Variants in ZNF432 observed in about 807,000 individuals in gnomAD.
The protein encoded by ZNF432 is zinc finger protein 432.
In ZNF432, 10 loss-of-function variants were observed where a neutral mutation model predicts 13.9. That is an observed-to-expected ratio of 0.72 (90% CI 0.44 to 1.22). The LOEUF (loss-of-function observed/expected upper bound fraction) is 1.22. Ranked by LOEUF, ZNF432 falls within the 50% of genes most tolerant of loss-of-function variation. The probability of loss-of-function intolerance (pLI) is 0.00; values close to 1 mark genes in which losing one functional copy is unlikely to be tolerated. For missense variants in ZNF432, 793 were observed against 796.2 expected (o/e 1.00, Z 0.05); for synonymous variants, 247 against 256.2 (o/e 0.96, Z 0.34).
chr19:52,035,172 G>A lies in ZNF432; in HGVS notation c.507C>T (p.Asn169=). ...TAGCTGCAGAATAAAGTTCTTCATA[G>A]TTACCATGAAGAAATGATTTCCCAT... The part of the protein sequence containing the change: ...SGDGKSFLHG[N]YEELYSAAKF... The change falls in exon 5 of 5, where the codon AAC becomes AAT. Residue 169 remains asparagine, a synonymous_variant. Transcript: ENST00000221315. 3 of 1,613,730 alleles carry A rather than the reference G, an allele frequency of 1.9e-6. No individual in the cohort carries two copies. Among genetic ancestry groups the A allele is most frequent in the South Asian group, 1.1e-5 (1 of 90,892 alleles).
rs1471156777 is a variant in ZNF432 at position 52,032,347 on chromosome 19, A to G, written c.*1373T>C. 6.6e-6 allele frequency: 1 copy of G among 152,108 alleles called. No individual in the cohort carries two copies. The highest frequency in any genetic ancestry group is 2.4e-5 in the African/African-American group (1 of 41,418). The allele number at this position is 152,108 out of a possible 1,614,324, so 9.4% of individuals were successfully genotyped here. On this transcript the variant is annotated 3_prime_UTR_variant, in exon 5 of 5. Transcript: ENST00000221315. ...GAACAGCCCGCTTTACAATTATGGA[A>G]TCATTGATAATATGATGCAAGGTAT...
At position 52,040,620 on chromosome 19, in the gene ZNF432, A is replaced by G. The variant is rs746367789; in HGVS notation, c.143-37T>C. 4.5e-6 allele frequency: 7 copies of G among 1,560,618 alleles called. No individual in the cohort carries two copies. The African/African-American group carries it at 9.5e-5, about 21-fold the overall frequency. ...AAATAATAGAAGACAGACACACTGG[A>G]TTGGGCTGGGGTATGTAATGTGAGA... On this transcript the variant is annotated intron_variant, in intron 3 of 4. Transcript: ENST00000221315.
rs145732054 is a variant in ZNF432 at position 52,034,249 on chromosome 19, C to T, written c.1430G>A (p.Arg477Gln). 369 of 1,613,958 alleles carry T rather than the reference C, an allele frequency of 2.3e-4. No individual in the cohort carries two copies. The highest frequency in any genetic ancestry group is 2.7e-4 in the Non-Finnish European group (314 of 1,179,988). Residue 477 changes from arginine to glutamine, a missense_variant, in exon 5 of 5, where the codon CGA becomes CAA. Coordinates refer to ENST00000221315, the MANE Select transcript of ZNF432 (RefSeq NM_014650.4). ...GTAAGGTTTCTCTCCAGTATGAGTT[C>T]GCTGATGTACAATCAGCCGACTCTT... ...PLKSRLIVHQ[R>Q]THTGEKPYRC... is the part of the protein sequence containing the mutation.
chr19:52,036,019 C>A (rs1031045393), intron 4 of ZNF432, among the ~76,000 whole-genome samples: 2 of 152,116 alleles, frequency 1.3e-5, no homozygotes, highest in Non-Finnish European at 2.9e-5. Context: ...CAGGACCTTG[C>A]AAAACATGCG....
chr19:52,033,844 A>G lies in ZNF432; in HGVS notation c.1835T>C (p.Leu612Pro). 1.2e-6 allele frequency: 2 copies of G among 1,614,192 alleles called. No individual in the cohort carries two copies. Among genetic ancestry groups the G allele is most frequent in the Non-Finnish European group, 1.7e-6 (2 of 1,180,044 alleles). Residue 612 changes from leucine (L) to proline (P), a missense_variant, in exon 5 of 5, where the codon CTA (leucine) becomes CCA (proline). Leu to Pro is a moderately conservative substitution (Grantham distance 98, BLOSUM62 -3). Coordinates refer to ENST00000221315, the MANE Select transcript of ZNF432 (RefSeq NM_014650.4). Reference protein sequence around the residue: ...CGKGFTMKSRLIVHQRTHTGE... With the variant: ...CGKGFTMKSRPIVHQRTHTGE... ...TGTATGAGTTCGTTGATGAACAATT[A>G]GACGGCTCTTCATAGTGAAGCCTTT... is the stretch of plus-strand genomic sequence containing the variant.
intron 1 of ZNF432, among the ~76,000 whole-genome samples, chr19:52,047,652 C>T (rs1026399031): frequency 1.3e-4 from 16 of 123,826 alleles, no homozygotes; most frequent in African/African-American, 4.8e-4. Flanking sequence ...GCCTGGGCGA[C>T]AAAAGCAAGA....
In ZNF432 at chr19:52,035,405, A is replaced by G. The variant is rs1352061874; in HGVS notation, c.274T>C (p.Leu92=). ...NEVDDHLQDH[L]ENQRMLKSVE... The stretch of plus-strand genomic sequence containing the variant: ...CTCTTCAGCATCCTTTGATTTTCCA[A>G]GTGATCCTGCAGATGATCATCAACT... Residue 92 remains leucine, a synonymous_variant, in exon 5 of 5, where the codon TTG becomes CTG. Transcript: ENST00000221315. 4 of 1,567,576 alleles carry G rather than the reference A, an allele frequency of 2.6e-6. No homozygotes were observed. Among genetic ancestry groups the G allele is most frequent in the Non-Finnish European group, 3.4e-6 (4 of 1,163,572 alleles).
At position 52,046,955 on chromosome 19, in the gene ZNF432, T is replaced by C; in HGVS notation, c.-87A>G. ...TGCCTTAAATTTCTATTTAGAAACT[T>C]CAGTCACCAGTGAAGGGTGTCCACA... On this transcript the variant is annotated 5_prime_UTR_variant, in exon 2 of 5. Coordinates refer to ENST00000221315, the MANE Select transcript of ZNF432 (RefSeq NM_014650.4). 4 of 1,461,980 alleles carry C rather than the reference T, an allele frequency of 2.7e-6. No homozygotes were observed. The highest frequency in any genetic ancestry group is 3.8e-6 in the Non-Finnish European group (4 of 1,055,736). The allele number at this position is 1,461,980 out of a possible 1,614,324, so 90.6% of individuals were successfully genotyped here.
At chr19:52,041,662 A>C in intron 2 of ZNF432, 56 bp from the exon 3 acceptor site, 1 of 1,610,964 alleles carries the variant, frequency 6.2e-7, no homozygotes, top group Non-Finnish European at 8.5e-7. Flanking sequence ...ACTGACATGA[A>C]AAGAAAGTGA....
At chr19:52,044,912 G>A (rs2087167152) in intron 2 of ZNF432, among the ~76,000 whole-genome samples, 1 of 152,148 alleles carries the variant, frequency 6.6e-6, no homozygotes, top group African/African-American at 2.4e-5. Context: ...ACCACCTAAG[G>A]TAGGGGTGTC....
chr19:52,033,047 T>C lies in ZNF432; in HGVS notation c.*673A>G, dbSNP rs2087030959. 6.6e-6 allele frequency: 1 copy of C among 152,256 alleles called. No homozygotes were observed. Among genetic ancestry groups the C allele is most frequent in the Non-Finnish European group, 1.5e-5 (1 of 68,058 alleles). 9.4% of individuals were successfully genotyped at this position (152,256 alleles called of 1,614,324 possible). On this transcript the variant is annotated 3_prime_UTR_variant, in exon 5 of 5. Coordinates refer to ENST00000221315, the MANE Select transcript of ZNF432 (RefSeq NM_014650.4). ...CTTCCCATAGAAGGCTTTCCTAGCC[T>C]ACTCCTTTGTAAGATTTATCTCAGT...
At chr19:52,048,174 CACACACACAA>C (rs2087208402) in intron 1 of ZNF432, among the ~76,000 whole-genome samples, 2 of 145,550 alleles carry the variant, frequency 1.4e-5, no homozygotes, top group African/African-American at 5.5e-5. Context: ...CACACACACA[CACACACACAA>C]AACCAGCCAG....
chr19:52,042,579 G>C (rs2087146373), intron 2 of ZNF432, among the ~76,000 whole-genome samples: 1 of 151,996 alleles, frequency 6.6e-6, no homozygotes, highest in South Asian at 2.1e-4. Flanking sequence ...AAATGAAGCA[G>C]AGACACAAAG....
At position 52,047,058 on chromosome 19, in the gene ZNF432, G is replaced by T; in HGVS notation, c.-190C>A. On this transcript the variant is annotated splice_region_variant and 5_prime_UTR_variant, in exon 2 of 5. Transcript: ENST00000221315. ...TCTTCCCAGGGTAGCCAGGACCTGT[G>T]GACTGAAGAGCAAAACAACTTTCAG... 1.9e-6 allele frequency: 1 copy of T among 532,638 alleles called. No individual in the cohort carries two copies. 33.0% of individuals were successfully genotyped at this position (532,638 alleles called of 1,614,324 possible).
Position 52,048,832 on chromosome 19 carries a change from G to A in ZNF432, c.-330C>T, listed in dbSNP as rs372802204. ...GGTCAGCCGCGTTTCCATGGAGAGC[G>A]GAATGCGGCCTTCCGGCTTTTCCTC... On this transcript the variant is annotated 5_prime_UTR_variant, in exon 1 of 5. Coordinates refer to ENST00000221315, the MANE Select transcript of ZNF432 (RefSeq NM_014650.4). 3.9e-5 allele frequency: 6 copies of A among 152,336 alleles called. No homozygotes were observed. The highest frequency in any genetic ancestry group is 5.9e-5 in the Non-Finnish European group (4 of 68,088). The allele number at this position is 152,336 out of a possible 1,614,324, so 9.4% of individuals were successfully genotyped here. A position where few individuals can be genotyped will look rare whatever the true frequency, so the allele number is the denominator to read the frequency against.
chr19:52,038,316 T>C (rs1173887851), intron 4 of ZNF432, among the ~76,000 whole-genome samples: 1 of 151,808 alleles, frequency 6.6e-6, no homozygotes, highest in East Asian at 1.9e-4. Context: ...TGAGATGGAG[T>C]TGTGCTCTTG....
chr19:52,045,130 C>T (rs2087168935), intron 2 of ZNF432, among the ~76,000 whole-genome samples: 2 of 152,086 alleles, frequency 1.3e-5, no homozygotes, highest in South Asian at 4.1e-4. Context: ...TCTAAGGTGA[C>T]CAACAGGTGG....
intron 4 of ZNF432, among the ~76,000 whole-genome samples, chr19:52,038,001 A>C (rs562173503): frequency 2.8e-4 from 43 of 152,314 alleles, no homozygotes; most frequent in African/African-American, 1.0e-3. Flanking sequence ...GCTGTTTCTT[A>C]TTATTGCTAC....
intron 4 of ZNF432, among the ~76,000 whole-genome samples, chr19:52,037,789 TAAA>T (rs74391730): frequency 1.8e-5 from 2 of 112,182 alleles, no homozygotes; most frequent in Non-Finnish European, 1.8e-5. Flanking sequence ...GACTCTACCT[TAAA>T]AAAAAAAAAA....
Sources: gnomAD v4.1 joint callset for allele counts (sites outside exome capture counted in the v4.1 genomes callset) on GRCh38, gnomAD v4.1.1 for gene constraint, MANE v1.5 for transcripts, NCBI Gene and HGNC (gene_info 2026-07-23, HGNC 2026-07-21) for gene names.